METRNL: variants seen among roughly 807,000 people sequenced by gnomAD.
METRNL encodes meteorin like, glial cell differentiation regulator.
Under a neutral mutation model 17.4 loss-of-function variants are expected in METRNL, and 9 were observed. The observed-to-expected ratio is 0.52, with a 90% CI of 0.31 to 0.90. The LOEUF (loss-of-function observed/expected upper bound fraction) is 0.90, where lower values mean the gene tolerates loss of function less well. Ranked by LOEUF, METRNL falls within the 40% of genes least tolerant of loss-of-function variation. The probability of loss-of-function intolerance (pLI) is 0.05; values close to 1 mark genes in which losing one functional copy is unlikely to be tolerated. For synonymous variants in METRNL, 215 were observed against 199.3 expected (o/e 1.08, Z -0.66); for missense variants, 408 against 430.7 (o/e 0.95, Z 0.47).
chr17:83,089,414 CG>C lies in METRNL; in HGVS notation c.557-3751del, dbSNP rs527490803. Among the ~76,000 whole-genome samples the C allele has an allele frequency of 3.1e-3, 477 of 152,290 alleles. 3 individuals carry two copies. Among genetic ancestry groups the C allele is most frequent in the Non-Finnish European group, 2.8e-3 (192 of 68,022 alleles). ...GCTGTCCTTACCTGGGCAGTCCTGC[CG>C]GACCGGTCGGTGTCTGTCATTCTCA... On this transcript the variant is annotated intron_variant, in intron 2 of 3. Coordinates refer to ENST00000320095, the MANE Select transcript of METRNL (RefSeq NM_001004431.3).
At chr17:83,094,186 G>C in intron 3 of METRNL, 70 bp from the exon 4 acceptor site, 1 of 1,311,300 alleles carries the variant, frequency 7.6e-7, no homozygotes, top group Non-Finnish European at 1.0e-6. Context: ...CGGGGGCAGG[G>C]GGAGGTGCGG....
In METRNL at chr17:83,079,777, C is replaced by T. The variant is rs2037959252; in HGVS notation, c.-39C>T. 2 of 950,614 alleles carry T rather than the reference C, an allele frequency of 2.1e-6. No homozygotes were observed. Among genetic ancestry groups the T allele is most frequent in the Non-Finnish European group, 2.5e-6 (2 of 805,890 alleles). 58.9% of individuals were successfully genotyped at this position (950,614 alleles called of 1,614,324 possible). ...CGGCTCCGGGGTCTGCTCCGGGGGT[C>T]GCGGACGCGGGGCCGGGCGGCGGAG... On this transcript the variant is annotated 5_prime_UTR_variant, in exon 1 of 4. Coordinates refer to ENST00000320095, the MANE Select transcript of METRNL (RefSeq NM_001004431.3).
In METRNL at chr17:83,094,671, G is replaced by A. The variant is rs2038182696; in HGVS notation, c.*96G>A. 1 of 1,060,220 alleles carries A rather than the reference G, an allele frequency of 9.4e-7. No homozygotes were observed. Among genetic ancestry groups the A allele is most frequent in the Non-Finnish European group, 1.2e-6 (1 of 806,036 alleles). The allele number at this position is 1,060,220 out of a possible 1,614,324, so 65.7% of individuals were successfully genotyped here. On this transcript the variant is annotated 3_prime_UTR_variant, in exon 4 of 4. Coordinates refer to ENST00000320095, the MANE Select transcript of METRNL (RefSeq NM_001004431.3). ...CCGTGCGGTGAGGGCCGCGCGCTGG[G>A]AGCCGCATGCCCTGGGCCCAGGCCT...
chr17:83,080,037 C>G, intron 1 of METRNL, 52 bp downstream of exon 1: 1 of 991,872 alleles, frequency 1.0e-6, no homozygotes, highest in African/African-American at 1.8e-5. Context: ...CGCGTCCCCT[C>G]CCGTCCCGGG....
At chr17:83,084,801 C>T in intron 1 of METRNL, 137 bp from the exon 2 acceptor site, 1 of 1,141,294 alleles carries the variant, frequency 8.8e-7, no homozygotes, top group Non-Finnish European at 1.2e-6. Flanking sequence ...GTCCGTGTGG[C>T]ACCTGTGGCC....
chr17:83,086,428 C>T (rs543187300), intron 2 of METRNL, among the ~76,000 whole-genome samples: 181 of 152,264 alleles, frequency 1.2e-3, no homozygotes, highest in African/African-American at 4.2e-3. Flanking sequence ...GTTGGTTGCA[C>T]GCTGGATAAA....
chr17:83,086,234 T>C (rs1206656744), intron 2 of METRNL, among the ~76,000 whole-genome samples: 4 of 152,236 alleles, frequency 2.6e-5, no homozygotes, highest in African/African-American at 4.8e-5. Context: ...GTTCTTGGCC[T>C]AGATTACTTT....
intron 2 of METRNL, among the ~76,000 whole-genome samples, chr17:83,086,901 G>C (rs2038058925): frequency 6.6e-6 from 1 of 152,052 alleles, no homozygotes; most frequent in African/African-American, 2.4e-5. Context: ...CAGAGACTTT[G>C]TCTCTCCTGC....
chr17:83,086,507 G>T (rs1404456890), intron 2 of METRNL, among the ~76,000 whole-genome samples: 1 of 152,176 alleles, frequency 6.6e-6, no homozygotes, highest in African/African-American at 2.4e-5. Context: ...GGGGGAGGGG[G>T]TACCAGCCTT....
chr17:83,083,021 C>T lies in METRNL; in HGVS notation c.171-1917C>T, dbSNP rs995764979. Among the ~76,000 whole-genome samples the T allele has an allele frequency of 2.6e-5, 4 of 152,218 alleles. No individual in the cohort carries two copies. In the East Asian group the frequency reaches 7.7e-4, roughly 29 times the overall value. On this transcript the variant is annotated intron_variant, in intron 1 of 3. Coordinates refer to ENST00000320095, the MANE Select transcript of METRNL (RefSeq NM_001004431.3). Reference sequence around the variant, plus strand: ...CGCTGAGAAGACGTCAGGTGAAGGCCGGGGTAGCCGGGTGTCTTCTTTCTT... The same window carrying T: ...CGCTGAGAAGACGTCAGGTGAAGGCTGGGGTAGCCGGGTGTCTTCTTTCTT...
intron 2 of METRNL, among the ~76,000 whole-genome samples, chr17:83,089,163 T>C (rs1310877292): frequency 6.6e-6 from 1 of 152,078 alleles, no homozygotes; most frequent in Non-Finnish European, 1.5e-5. Flanking sequence ...GATGGTGGCC[T>C]TGAGGGGAGC....
intron 2 of METRNL, among the ~76,000 whole-genome samples, chr17:83,087,434 C>T (rs1384875247): frequency 1.3e-5 from 2 of 152,128 alleles, no homozygotes; most frequent in African/African-American, 4.8e-5. Flanking sequence ...AGATGCAGGC[C>T]CCTCCCTGGG....
Position 83,085,313 on chromosome 17 carries a change from C to A in METRNL, c.546C>A (p.His182Gln), listed in dbSNP as rs554168103. 2.6e-6 allele frequency: 4 copies of A among 1,525,264 alleles called. No individual in the cohort carries two copies. Among genetic ancestry groups the A allele is most frequent in the Non-Finnish European group, 3.5e-6 (4 of 1,136,012 alleles). The allele number at this position is 1,525,264 out of a possible 1,614,324, so 94.5% of individuals were successfully genotyped here. The change falls in exon 2 of 4, where the codon CAC (histidine) becomes CAA (glutamine). Residue 182 changes from histidine (H) to glutamine (Q), a missense_variant. Coordinates refer to ENST00000320095, the MANE Select transcript of METRNL (RefSeq NM_001004431.3). ...LVRRHRASDL[H>Q]ELSAPCRPCS... ...GGAGGCACAGGGCGTCGGACCTGCA[C>A]GAGCTGTCTGGTGAGTGTCCTGCCT... is the stretch of plus-strand genomic sequence containing the variant.
intron 2 of METRNL, among the ~76,000 whole-genome samples, chr17:83,087,710 C>G (rs531295797): frequency 8.4e-4 from 128 of 152,310 alleles, no homozygotes; most frequent in Middle Eastern, 3.4e-3. Context: ...TCCCTTGCCT[C>G]CCGTTCCTGC....
Position 83,094,362 on chromosome 17 carries a change from G to T in METRNL, c.723G>T (p.Glu241Asp). The change falls in exon 4 of 4, where the codon GAG becomes GAT. Residue 241 changes from glutamate (E) to aspartate (D), a missense_variant. Coordinates refer to ENST00000320095, the MANE Select transcript of METRNL (RefSeq NM_001004431.3). ...ATCGGCAGAAAAGCAGGGTCTTCGA[G>T]CCGGTGCCCGAGGGTGACGGCCACT... ...RLYRQKSRVF[E>D]PVPEGDGHWQ... The T allele has an allele frequency of 6.2e-7, 1 of 1,610,976 alleles. No individual in the cohort carries two copies. Among genetic ancestry groups the T allele is most frequent in the Non-Finnish European group, 8.5e-7 (1 of 1,178,620 alleles).
At chr17:83,088,946 G>C (rs2038083794) in intron 2 of METRNL, among the ~76,000 whole-genome samples, 1 of 152,110 alleles carries the variant, frequency 6.6e-6, no homozygotes, top group Admixed American at 6.5e-5. Context: ...CTTCCTGCTT[G>C]GTGCCTTCTC....
intron 3 of METRNL, among the ~76,000 whole-genome samples, chr17:83,093,658 C>T (rs1050410211): frequency 2.6e-5 from 4 of 152,056 alleles, no homozygotes; most frequent in Admixed American, 1.3e-4. Flanking sequence ...GGCGGCTCTG[C>T]GGCTCTGCAG....
Position 83,094,896 on chromosome 17 carries a change from A to C in METRNL, c.*321A>C. On this transcript the variant is annotated 3_prime_UTR_variant, in exon 4 of 4. Transcript: ENST00000320095. Reference sequence around the variant, plus strand: ...GTGTGCCGTCTGATACTGTTCTCTAAAGACGTTAGGAGTCACGGCATCTGG... The same window carrying C: ...GTGTGCCGTCTGATACTGTTCTCTACAGACGTTAGGAGTCACGGCATCTGG... 1.1e-5 allele frequency: 3 copies of C among 284,154 alleles called. No individual in the cohort carries two copies. Among genetic ancestry groups the C allele is most frequent in the Non-Finnish European group, 1.3e-5 (2 of 153,734 alleles). 17.6% of individuals were successfully genotyped at this position (284,154 alleles called of 1,614,324 possible).
At chr17:83,086,034 G>T (rs145135396) in intron 2 of METRNL, among the ~76,000 whole-genome samples, 1 of 152,146 alleles carries the variant, frequency 6.6e-6, no homozygotes, top group Non-Finnish European at 1.5e-5. Flanking sequence ...GTCTCTGGAC[G>T]CCTGTGCTTG....
Sources: allele counts gnomAD v4.1 joint callset (sites outside exome capture counted in the v4.1 genomes callset), GRCh38; gene constraint gnomAD v4.1.1; transcripts MANE v1.5; gene names NCBI Gene and HGNC (gene_info 2026-07-23, HGNC 2026-07-21).